The following PDXDC1 variants were observed in gnomAD, a reference collection of about 807,000 sequenced individuals.
The protein encoded by PDXDC1 is pyridoxal-dependent decarboxylase domain-containing protein 1.
A neutral mutation model predicts 100.1 loss-of-function variants in PDXDC1; 42 were observed. The ratio of observed to expected loss-of-function variants is 0.42; its 90% CI spans 0.33 to 0.54. The LOEUF is 0.54. Among genes scored for constraint, PDXDC1 ranks in the 20% least tolerant of loss-of-function variants. The pLI is 0.10. For missense variants in PDXDC1, 636 were observed against 979.2 expected, an observed-to-expected ratio of 0.65 and a Z score of 4.68; for synonymous variants, 260 against 371.7, an observed-to-expected ratio of 0.70 and a Z score of 3.46.
chr16:15,124,670 G>A (rs1004164254), intron 16 of PDXDC1, among the ~76,000 whole-genome samples: 11 of 151,698 alleles, frequency 7.3e-5, no homozygotes, highest in Admixed American at 3.9e-4. Flanking sequence ...TACTTGGGAG[G>A]CTGAGGCAGG....
chr16:15,084,971 C>T (rs1567218129), intron 16 of PDXDC1, among the ~76,000 whole-genome samples: 2 of 152,074 alleles, frequency 1.3e-5, no homozygotes, highest in Non-Finnish European at 2.9e-5. Flanking sequence ...GAGGCTGAAG[C>T]AGGAGAACCA....
intron 1 of PDXDC1, among the ~76,000 whole-genome samples, chr16:14,997,259 A>G (rs1203638126): frequency 1.3e-5 from 2 of 152,290 alleles, no homozygotes; most frequent in Admixed American, 6.5e-5. Context: ...TAAGGAGGCC[A>G]GGCACGGTGG....
intron 16 of PDXDC1, among the ~76,000 whole-genome samples, chr16:15,063,923 C>T (rs2044836912): frequency 6.6e-6 from 1 of 152,006 alleles, no homozygotes; most frequent in African/African-American, 2.4e-5. Flanking sequence ...GGAAATGAAA[C>T]CGTAATATTC....
intron 16 of PDXDC1, among the ~76,000 whole-genome samples, chr16:15,031,135 TCCA>T (rs1567715315): frequency 5.0e-4 from 60 of 120,106 alleles, no homozygotes; most frequent in South Asian, 1.0e-3. Context: ...TTTTTTTTTT[TCCA>T]TAGAGACGTG....
chr16:15,104,178 A>G lies in PDXDC1; in HGVS notation c.1400-34701A>G, dbSNP rs985798008. Reference sequence around the variant, plus strand: ...ACAGAGCAAACTCCAGTCTCAAAAAAAAAAACAAATAATAATATTTTACAT... The same window carrying G: ...ACAGAGCAAACTCCAGTCTCAAAAAGAAAAACAAATAATAATATTTTACAT... On this transcript the variant is annotated intron_variant, in intron 16 of 16. Coordinates refer to the PDXDC1 transcript ENST00000535621. 1.6e-4 allele frequency: 134 copies of G among 825,968 alleles called. 2 individuals are homozygous for G. The South Asian group carries it at 2.9e-3, about 18-fold the overall frequency. The allele number at this position is 825,968 out of a possible 1,614,324, so 51.2% of individuals were successfully genotyped here.
intron 16 of PDXDC1, among the ~76,000 whole-genome samples, chr16:15,129,658 C>T (rs2047945890): frequency 6.6e-6 from 1 of 152,176 alleles, no homozygotes; most frequent in South Asian, 2.1e-4. Flanking sequence ...ATGTGGGCTG[C>T]CCACCCTGAC....
chr16:15,085,999 A>G (rs1227314988), intron 16 of PDXDC1: 11 of 656,606 alleles, frequency 1.7e-5, no homozygotes, highest in African/African-American at 1.1e-4. Flanking sequence ...CGGGGAATAT[A>G]TGTCTACCAG....
chr16:15,073,110 T>C, intron 16 of PDXDC1: 1 of 1,599,044 alleles, frequency 6.3e-7, no homozygotes, highest in Non-Finnish European at 8.5e-7. Flanking sequence ...TCTCAGTTTT[T>C]ATAAAGACAT....
chr16:15,114,141 TAGAA>T (rs2047159907), intron 16 of PDXDC1, among the ~76,000 whole-genome samples: 1 of 150,286 alleles, frequency 6.7e-6, no homozygotes, highest in Non-Finnish European at 1.5e-5. Flanking sequence ...CAGAATAGTT[TAGAA>T]AGACTTTCCC....
chr16:15,076,290 C>G, intron 16 of PDXDC1: 1 of 594,280 alleles, frequency 1.7e-6, no homozygotes, highest in Non-Finnish European at 3.0e-6. Flanking sequence ...TCACAGACAG[C>G]ATCTGGCTTA....
At chr16:15,080,920 G>A (rs1466372473) in intron 16 of PDXDC1, among the ~76,000 whole-genome samples, 1 of 151,322 alleles carries the variant, frequency 6.6e-6, no homozygotes, top group Non-Finnish European at 1.5e-5. Context: ...TCATATCAAT[G>A]GAGTCATACA....
chr16:14,989,704 G>A (rs145963881), intron 1 of PDXDC1: 171,311 of 1,554,392 alleles, frequency 0.11, 9,484 homozygotes, highest in East Asian at 0.16. Flanking sequence ...TGCAGGCAAC[G>A]CACGCGGCGC....
intron 16 of PDXDC1, chr16:15,047,992 C>A: frequency 6.2e-7 from 1 of 1,608,542 alleles, no homozygotes; most frequent in Non-Finnish European, 8.5e-7. Context: ...TGCTTCCTAA[C>A]CTACCATCCT....
intron 16 of PDXDC1, chr16:15,110,911 A>G: frequency 9.1e-7 from 1 of 1,098,246 alleles, no homozygotes; most frequent in Admixed American, 2.1e-5. Context: ...AGGGTGGATC[A>G]CGGGGTCAGG....
At chr16:15,089,276 G>A (rs1465424218) in intron 16 of PDXDC1, among the ~76,000 whole-genome samples, 1 of 152,038 alleles carries the variant, frequency 6.6e-6, no homozygotes, top group Non-Finnish European at 1.5e-5. Context: ...AGGTGACAGA[G>A]CAAGACTCTG....
At chr16:15,001,009 TTC>T (rs1478883106) in intron 3 of PDXDC1, among the ~76,000 whole-genome samples, 8 of 151,744 alleles carry the variant, frequency 5.3e-5, no homozygotes, top group Non-Finnish European at 7.4e-5. Context: ...TTATTAAATA[TTC>T]TCTGTCTTGT....
At chr16:14,980,722 C>T (rs544534959) in intron 1 of PDXDC1, among the ~76,000 whole-genome samples, 34 of 152,376 alleles carry the variant, frequency 2.2e-4, no homozygotes, top group African/African-American at 7.7e-4. Context: ...ACCTCAGCCT[C>T]CCAAAGTTCT....
In PDXDC1 at chr16:15,036,125, G is replaced by A. The variant is rs147386815; in HGVS notation, c.2217G>A (p.Pro739=). ...AGGTGGAGCGCCTATCCAGTGGGCC[G>A]GAGCAGATCACCCTCGAGGCCAGCA... ...LEKVERLSSG[P]EQITLEASST... is the part of the protein sequence containing the mutation. The change falls in exon 23 of 23, where the codon CCG becomes CCA. Residue 739 remains proline (P), a synonymous_variant. Transcript: ENST00000396410. The A allele has an allele frequency of 2.2e-5, 35 of 1,614,152 alleles. No homozygotes were observed. The highest frequency in any genetic ancestry group is 1.6e-4 in the Middle Eastern group (1 of 6,062).
downstream of PDXDC1, chr16:15,038,753 A>G: frequency 1.2e-6 from 1 of 836,038 alleles, no homozygotes; most frequent in Non-Finnish European, 2.0e-6. Flanking sequence ...CCTCCCAGTA[A>G]CGCAAGCTCC....
Sources: allele counts gnomAD v4.1 joint callset (sites outside exome capture counted in the v4.1 genomes callset), GRCh38; gene constraint gnomAD v4.1.1; transcripts MANE v1.5; gene names NCBI Gene and HGNC (gene_info 2026-07-23, HGNC 2026-07-21).